The following OSBPL10 variants were observed in gnomAD, a reference collection of about 807,000 sequenced individuals.
OSBPL10 encodes the protein oxysterol-binding protein-related protein 10.
OSBPL10 carries 49 observed loss-of-function variants against 81.7 expected under a neutral mutation model. That is an observed-to-expected ratio of 0.60 (90% CI 0.48 to 0.76). The LOEUF is 0.76. Among genes scored for constraint, OSBPL10 ranks in the 30% least tolerant of loss-of-function variants. The pLI is 0.00. For missense variants in OSBPL10, 923 were observed against 987.8 expected, an observed-to-expected ratio of 0.93 and a Z score of 0.88; for synonymous variants, 419 against 383.6, an observed-to-expected ratio of 1.09 and a Z score of -1.08.
intron 3 of OSBPL10, among the ~76,000 whole-genome samples, chr3:31,856,421 G>A (rs192916429): frequency 2.6e-5 from 4 of 152,268 alleles, no homozygotes; most frequent in Admixed American, 2.6e-4. Flanking sequence ...ATGGCACTGA[G>A]CTTAATAAAA....
At chr3:31,671,569 T>C (rs1371858550) in intron 8 of OSBPL10, among the ~76,000 whole-genome samples, 2 of 152,086 alleles carry the variant, frequency 1.3e-5, no homozygotes, top group Non-Finnish European at 2.9e-5. Flanking sequence ...AGAGACAAGC[T>C]CAATGGTTCT....
chr3:31,755,865 G>A lies in OSBPL10; in HGVS notation c.730-7745C>T, dbSNP rs143813048. ...CACTCAAAAGACACTTTCTGAAGATGGGGGGAGATAAGCCTTCTGCAGTTC... is the reference window on the plus strand; with the variant it reads ...CACTCAAAAGACACTTTCTGAAGATAGGGGGAGATAAGCCTTCTGCAGTTC... On this transcript the variant is annotated intron_variant, in intron 4 of 11. Coordinates refer to ENST00000396556, the MANE Select transcript of OSBPL10 (RefSeq NM_017784.5). Among the ~76,000 whole-genome samples the A allele has an allele frequency of 3.9e-5, 6 of 152,310 alleles. No homozygotes were observed. The East Asian group carries it at 1.2e-3, about 29-fold the overall frequency.
intron 7 of OSBPL10, among the ~76,000 whole-genome samples, chr3:31,693,088 T>C (rs148213799): frequency 5.3e-5 from 8 of 152,302 alleles, no homozygotes; most frequent in African/African-American, 1.9e-4. Context: ...TGCTTGACAG[T>C]ATACTGAAAA....
intron 2 of OSBPL10, among the ~76,000 whole-genome samples, chr3:32,007,559 C>T (rs1001752632): frequency 7.2e-5 from 11 of 152,134 alleles, no homozygotes; most frequent in African/African-American, 2.7e-4. Flanking sequence ...TTGTAACCTC[C>T]ATGCTCCAAT....
chr3:31,810,042 C>A (rs6809137), intron 4 of OSBPL10, among the ~76,000 whole-genome samples: 1 of 151,556 alleles, frequency 6.6e-6, no homozygotes, highest in Non-Finnish European at 1.5e-5. Context: ...CGGCTAATTT[C>A]GTATCTTTGA....
rs551222102 is a variant in OSBPL10 at position 31,957,646 on chromosome 3, G to T, written c.281+23253C>A. ...TGGTTTGTTTTTGTTTGTTTGTTTTGGTTTGTTTGTTTTTTGAGGAGTCTT... is the reference window on the plus strand; with the variant it reads ...TGGTTTGTTTTTGTTTGTTTGTTTTTGTTTGTTTGTTTTTTGAGGAGTCTT... On this transcript the variant is annotated intron_variant, in intron 1 of 11. Transcript: ENST00000396556. Among the ~76,000 whole-genome samples, 8 of 151,980 alleles carry T rather than the reference G, an allele frequency of 5.3e-5. No homozygotes were observed. The East Asian group carries it at 7.7e-4, about 15-fold the overall frequency.
At chr3:31,743,962 C>T (rs900010236) in intron 5 of OSBPL10, among the ~76,000 whole-genome samples, 2 of 152,214 alleles carry the variant, frequency 1.3e-5, no homozygotes, top group Admixed American at 6.5e-5. Flanking sequence ...CCAGGGCCAA[C>T]GTATTCTCTA....
intron 1 of OSBPL10, among the ~76,000 whole-genome samples, chr3:31,936,401 C>G (rs1302486576): frequency 6.6e-6 from 1 of 152,130 alleles, no homozygotes; most frequent in Non-Finnish European, 1.5e-5. Flanking sequence ...CAAACAGACT[C>G]TAGTATTACT....
chr3:31,678,971 C>T (rs1450674577), intron 8 of OSBPL10, among the ~76,000 whole-genome samples: 2 of 152,224 alleles, frequency 1.3e-5, no homozygotes, highest in South Asian at 2.1e-4. Flanking sequence ...TCAGCGACTC[C>T]CATCTCAGAG....
intron 1 of OSBPL10, among the ~76,000 whole-genome samples, chr3:32,059,041 G>C (rs1270634692): frequency 6.6e-6 from 1 of 152,118 alleles, no homozygotes. Flanking sequence ...GCTCATACCT[G>C]TAATACCAGC....
At chr3:31,887,343 A>AT (rs1379421088) in intron 1 of OSBPL10, among the ~76,000 whole-genome samples, 1 of 152,154 alleles carries the variant, frequency 6.6e-6, no homozygotes, top group African/African-American at 2.4e-5. Context: ...CTATGGATGC[A>AT]TTTTCCCGAG....
chr3:32,050,361 G>A (rs1416818776), intron 1 of OSBPL10, among the ~76,000 whole-genome samples: 1 of 152,190 alleles, frequency 6.6e-6, no homozygotes, highest in Non-Finnish European at 1.5e-5. Flanking sequence ...CTTTGGGAAT[G>A]AGTCCTTTCT....
chr3:31,717,997 A>G (rs1426612923), intron 6 of OSBPL10: 1 of 152,194 alleles, frequency 6.6e-6, no homozygotes, highest in Non-Finnish European at 1.5e-5. Context: ...GGATTCTTAT[A>G]TTAAGCACAA....
intron 4 of OSBPL10, among the ~76,000 whole-genome samples, chr3:31,820,301 G>A (rs7652366): frequency 0.69 from 104,359 of 151,962 alleles, 36,479 homozygotes; most frequent in East Asian, 0.93. Flanking sequence ...GGGGATATTA[G>A]AAAAAATAAT....
At chr3:31,738,542 G>A (rs9871260) in intron 5 of OSBPL10, among the ~76,000 whole-genome samples, 14,456 of 152,122 alleles carry the variant, frequency 0.095, 1,315 homozygotes, top group African/African-American at 0.24. Context: ...GTCTTTCCCC[G>A]GTAAGAATGG....
chr3:31,939,864 G>T (rs926576772), intron 1 of OSBPL10, among the ~76,000 whole-genome samples: 2 of 152,110 alleles, frequency 1.3e-5, no homozygotes, highest in Non-Finnish European at 2.9e-5. Flanking sequence ...GCCTCCTGTA[G>T]CTGGGACTAC....
At chr3:31,991,836 G>A (rs1699034185) in intron 2 of OSBPL10, among the ~76,000 whole-genome samples, 1 of 150,016 alleles carries the variant, frequency 6.7e-6, no homozygotes, top group Non-Finnish European at 1.5e-5. Context: ...ATATGAAGCA[G>A]TGAAAATAAG....
At chr3:32,060,286 T>C (rs909635168) in intron 1 of OSBPL10, among the ~76,000 whole-genome samples, 1 of 152,240 alleles carries the variant, frequency 6.6e-6, no homozygotes, top group African/African-American at 2.4e-5. Flanking sequence ...TCCGGCCTCC[T>C]TGGCACCAGT....
At chr3:31,728,963 C>T (rs920920983) in intron 6 of OSBPL10, among the ~76,000 whole-genome samples, 1 of 152,048 alleles carries the variant, frequency 6.6e-6, no homozygotes, top group African/African-American at 2.4e-5. Flanking sequence ...GTCATGTCGG[C>T]CTTTAAAAAG....
Sources: allele counts gnomAD v4.1 joint callset (sites outside exome capture counted in the v4.1 genomes callset), GRCh38; gene constraint gnomAD v4.1.1; transcripts MANE v1.5; gene names NCBI Gene and HGNC (gene_info 2026-07-23, HGNC 2026-07-21).